LRP1B: variants seen among roughly 807,000 people sequenced by gnomAD.
The protein encoded by LRP1B is LDL receptor related protein 1B.
In LRP1B, 217 loss-of-function variants were observed where a neutral mutation model predicts 556.6. The ratio of observed to expected loss-of-function variants is 0.39; its 90% CI spans 0.35 to 0.44. LRP1B has a LOEUF of 0.44. Among genes scored for constraint, LRP1B ranks in the 20% least tolerant of loss-of-function variants. The probability of loss-of-function intolerance (pLI) is 1.00; values close to 1 mark genes in which losing one functional copy is unlikely to be tolerated. For missense variants in LRP1B, 5,053 were observed against 5,620.8 expected (o/e 0.90, Z 3.23); for synonymous variants, 2,047 against 1,865.8 (o/e 1.10, Z -2.50).
intron 27 of LRP1B, among the ~76,000 whole-genome samples, chr2:140,852,193 G>A (rs754696698): frequency 4.6e-5 from 7 of 152,088 alleles, no homozygotes; most frequent in Non-Finnish European, 8.8e-5. Context: ...CGAGCGTGGT[G>A]ACACACACCT....
chr2:140,650,146 G>A (rs1240982412), intron 41 of LRP1B, among the ~76,000 whole-genome samples: 1 of 151,442 alleles, frequency 6.6e-6, no homozygotes, highest in African/African-American at 2.4e-5. Flanking sequence ...TAATGTATTG[G>A]CAAACAAAGG....
At chr2:140,274,975 C>CACACCTCTTTT (rs1682608350) in intron 84 of LRP1B, among the ~76,000 whole-genome samples, 1 of 151,990 alleles carries the variant, frequency 6.6e-6, no homozygotes, top group Non-Finnish European at 1.5e-5. Flanking sequence ...TTGCCTCCTT[C>CACACCTCTTTT]ACACCTCTTT....
chr2:141,384,514 A>G (rs1689759405), intron 3 of LRP1B, among the ~76,000 whole-genome samples: 1 of 152,178 alleles, frequency 6.6e-6, no homozygotes, highest in South Asian at 2.1e-4. Context: ...AGTGTGGGAA[A>G]AAGAATTTCT....
chr2:140,827,013 A>G (rs1691532032), intron 31 of LRP1B, among the ~76,000 whole-genome samples: 1 of 152,170 alleles, frequency 6.6e-6, no homozygotes, highest in South Asian at 2.1e-4. Flanking sequence ...ACTCCAATTC[A>G]GGACCAGAAG....
rs958862159 is a variant in LRP1B at position 140,333,458 on chromosome 2, T to C, written c.12223+995A>G. 2.0e-5 allele frequency among the ~76,000 whole-genome samples: 3 copies of C among 152,098 alleles called. No homozygotes were observed. In the South Asian group the frequency reaches 6.2e-4, roughly 31 times the overall value. ...CATGGTAGACATTCAATGGGCATATTTGTTAAAGCATGGGATGAAAACAGA... is the reference window on the plus strand; with the variant it reads ...CATGGTAGACATTCAATGGGCATATCTGTTAAAGCATGGGATGAAAACAGA... On this transcript the variant is annotated intron_variant, in intron 79 of 90. Coordinates refer to ENST00000389484, the MANE Select transcript of LRP1B (RefSeq NM_018557.3).
intron 2 of LRP1B, among the ~76,000 whole-genome samples, chr2:141,725,787 T>G (rs1044516497): frequency 4.6e-5 from 7 of 151,770 alleles, no homozygotes; most frequent in African/African-American, 1.2e-4. Context: ...TTTGCATCAG[T>G]GTACCTGGTT....
At chr2:140,273,205 A>T (rs534091772) in intron 85 of LRP1B, among the ~76,000 whole-genome samples, 13 of 152,032 alleles carry the variant, frequency 8.6e-5, no homozygotes, top group African/African-American at 2.9e-4. Context: ...TGTAAAGAAG[A>T]TTCCACAGCT....
chr2:140,340,841 C>G (rs1009328619), intron 77 of LRP1B, among the ~76,000 whole-genome samples: 4 of 151,376 alleles, frequency 2.6e-5, no homozygotes, highest in Non-Finnish European at 5.9e-5. Flanking sequence ...TACATGTGTT[C>G]AGTTTGTGTC....
rs1491397371 is a variant in LRP1B, at chr2:141,890,372, TAG to T, written c.83-79973_83-79972del. 4.3e-5 allele frequency among the ~76,000 whole-genome samples: 4 copies of T among 93,886 alleles called. No individual in the cohort carries two copies. The East Asian group carries it at 1.2e-3, about 29-fold the overall frequency. The allele number at this position is 93,886 out of a possible 152,430, so 61.6% of individuals were successfully genotyped here. On this transcript the variant is annotated intron_variant, in intron 1 of 90. Coordinates refer to ENST00000389484, the MANE Select transcript of LRP1B (RefSeq NM_018557.3). ...TATATGTATTGTGCATATATATATATAGTGTGTATACATATATAGTGTATATA... is the reference window on the plus strand; with the variant it reads ...TATATGTATTGTGCATATATATATATTGTGTATACATATATAGTGTATATA...
chr2:140,995,133 TCTG>T (rs1697206250), intron 15 of LRP1B, among the ~76,000 whole-genome samples: 1 of 152,042 alleles, frequency 6.6e-6, no homozygotes, highest in African/African-American at 2.4e-5. Context: ...ACTGAAACAA[TCTG>T]CTGCAGCTCT....
At chr2:140,841,187 T>C in intron 29 of LRP1B, 95 bp from the exon 30 acceptor site, 1 of 759,564 alleles carries the variant, frequency 1.3e-6, no homozygotes, top group Non-Finnish European at 2.1e-6. Context: ...GAAAATTTAA[T>C]TTATACTTTA....
chr2:140,946,526 A>C (rs893901165), intron 20 of LRP1B, among the ~76,000 whole-genome samples: 10 of 151,962 alleles, frequency 6.6e-5, no homozygotes, highest in African/African-American at 2.2e-4. Flanking sequence ...GCGTGAACCC[A>C]GGAGGTGGAG....
intron 53 of LRP1B, among the ~76,000 whole-genome samples, chr2:140,504,799 G>A (rs139566613): frequency 0.041 from 6,240 of 152,028 alleles, 166 homozygotes; most frequent in Non-Finnish European, 0.047. Flanking sequence ...TCCCAACCTC[G>A]TTCAAAACCA....
At chr2:141,111,118 G>GT (rs1483522298) in intron 7 of LRP1B, among the ~76,000 whole-genome samples, 3 of 151,758 alleles carry the variant, frequency 2.0e-5, no homozygotes, top group African/African-American at 7.3e-5. Flanking sequence ...AAACACCTCC[G>GT]TATTTAAGAG....
chr2:141,342,671 G>A (rs746375518), intron 3 of LRP1B, among the ~76,000 whole-genome samples: 1 of 151,990 alleles, frequency 6.6e-6, no homozygotes, highest in Non-Finnish European at 1.5e-5. Context: ...CAAGATTAGA[G>A]CAAAAAGAAT....
At chr2:141,717,821 T>G (rs1340328212) in intron 2 of LRP1B, among the ~76,000 whole-genome samples, 1 of 152,248 alleles carries the variant, frequency 6.6e-6, no homozygotes, top group East Asian at 1.9e-4. Flanking sequence ...CAAGATACAA[T>G]CATTACTAAT....
At chr2:140,557,825 C>T (rs1042260379) in intron 43 of LRP1B, among the ~76,000 whole-genome samples, 7 of 152,136 alleles carry the variant, frequency 4.6e-5, no homozygotes, top group Admixed American at 3.3e-4. Flanking sequence ...CCTCTCTTTA[C>T]TATACCACAC....
intron 1 of LRP1B, among the ~76,000 whole-genome samples, chr2:141,890,323 C>CATATATATATATATAT (rs556472129): frequency 5.6e-4 from 47 of 83,804 alleles, no homozygotes; most frequent in South Asian, 1.5e-3. Flanking sequence ...GGGCACAATA[C>CATATATATATATATAT]ATATATATAT....
chr2:141,433,494 C>A (rs113194845), intron 3 of LRP1B, among the ~76,000 whole-genome samples: 193 of 152,142 alleles, frequency 1.3e-3, no homozygotes, highest in African/African-American at 4.5e-3. Context: ...GTACTAAGTT[C>A]TCTAACTTTT....
Sources: allele counts gnomAD v4.1 joint callset (sites outside exome capture counted in the v4.1 genomes callset), GRCh38; gene constraint gnomAD v4.1.1; transcripts MANE v1.5; gene names NCBI Gene and HGNC (gene_info 2026-07-23, HGNC 2026-07-21).